The following PDE1A variants were observed in gnomAD, a reference collection of about 807,000 sequenced individuals.
PDE1A encodes dual specificity calcium/calmodulin-dependent 3',5'-cyclic nucleotide phosphodiesterase 1A.
A neutral mutation model predicts 61.7 loss-of-function variants in PDE1A; 35 were observed. The observed-to-expected ratio is 0.57, with a 90% CI of 0.43 to 0.75. The LOEUF (loss-of-function observed/expected upper bound fraction) is 0.75, where lower values mean the gene tolerates loss of function less well. PDE1A is among the 30% of genes least tolerant of loss of function. The pLI is 0.00. For synonymous variants in PDE1A, 232 were observed against 213.2 expected (o/e 1.09, Z -0.77); for missense variants, 597 against 630.6 (o/e 0.95, Z 0.57).
At chr2:182,299,758 A>C (rs957784296) in intron 1 of PDE1A, among the ~76,000 whole-genome samples, 1 of 152,146 alleles carries the variant, frequency 6.6e-6, no homozygotes, top group African/African-American at 2.4e-5. Context: ...GATCAGAAGC[A>C]GTTCAGATTC....
intron 2 of PDE1A, among the ~76,000 whole-genome samples, chr2:182,499,993 C>T (rs1037296545): frequency 2.0e-5 from 3 of 152,080 alleles, no homozygotes; most frequent in Admixed American, 6.5e-5. Context: ...AAAAACAATA[C>T]AATACCAATT....
intron 2 of PDE1A, among the ~76,000 whole-genome samples, chr2:182,499,761 A>T (rs948505663): frequency 6.6e-6 from 1 of 152,196 alleles, no homozygotes; most frequent in African/African-American, 2.4e-5. Flanking sequence ...ATATGAATTC[A>T]TTTTTACACA....
chr2:182,477,657 A>G (rs1438823440), intron 2 of PDE1A, among the ~76,000 whole-genome samples: 1 of 151,926 alleles, frequency 6.6e-6, no homozygotes, highest in Non-Finnish European at 1.5e-5. Context: ...ATTTTCACAT[A>G]TTTAATTTCA....
intron 1 of PDE1A, among the ~76,000 whole-genome samples, chr2:182,309,089 TAAG>T (rs1434874501): frequency 6.6e-6 from 1 of 151,852 alleles, no homozygotes; most frequent in Admixed American, 6.6e-5. Context: ...CAAATTAACC[TAAG>T]AAGAGCTTCA....
chr2:182,266,552 T>C (rs189341577), intron 1 of PDE1A, among the ~76,000 whole-genome samples: 29 of 152,306 alleles, frequency 1.9e-4, no homozygotes, highest in Admixed American at 1.6e-3. Flanking sequence ...AGGGTTGCCT[T>C]CCTTTTCCCT....
intron 7 of PDE1A, among the ~76,000 whole-genome samples, chr2:182,214,265 C>T (rs1278602451): frequency 2.6e-5 from 4 of 151,696 alleles, no homozygotes; most frequent in African/African-American, 4.9e-5. Flanking sequence ...CTGAAGGAAG[C>T]ACTAAACATG....
intron 1 of PDE1A, among the ~76,000 whole-genome samples, chr2:182,424,578 T>C (rs1703487240): frequency 6.6e-6 from 1 of 152,144 alleles, no homozygotes; most frequent in African/African-American, 2.4e-5. Context: ...GAAAACGAAG[T>C]GAGGCATGAG....
At chr2:182,200,395 A>G (rs12467526) in intron 10 of PDE1A, among the ~76,000 whole-genome samples, 111,934 of 152,002 alleles carry the variant, frequency 0.74, 41,415 homozygotes, top group East Asian at 0.91. Flanking sequence ...GTTCAATCGC[A>G]TGTCCAATGG....
chr2:182,201,614 C>A (rs1419623836), intron 9 of PDE1A, 55 bp from the exon 10 acceptor site: 37 of 1,432,456 alleles, frequency 2.6e-5, no homozygotes, highest in South Asian at 1.8e-4. Context: ...CAATTACAGT[C>A]TTTTCTGAGG....
At chr2:182,650,919 A>G in the PDE1A span, among the ~76,000 whole-genome samples, 1 of 152,236 alleles carries the variant, frequency 6.6e-6, no homozygotes, top group African/African-American at 2.4e-5. Context: ...CCTTCATGTT[A>G]CATTTAAAAA....
intron 1 of PDE1A, among the ~76,000 whole-genome samples, chr2:182,355,666 G>C (rs994900590): frequency 6.6e-6 from 1 of 151,878 alleles, no homozygotes; most frequent in African/African-American, 2.4e-5. Flanking sequence ...ATTTTCTAAA[G>C]CATTTTTTTC....
At chr2:182,363,356 G>A (rs968651809) in intron 1 of PDE1A, among the ~76,000 whole-genome samples, 1 of 151,846 alleles carries the variant, frequency 6.6e-6, no homozygotes. Context: ...TACTGGAGGA[G>A]AAAAGAGAGA....
Position 182,160,132 on chromosome 2 carries a change from T to A in PDE1A, c.1517-12980A>T, listed in dbSNP as rs1211766754. The stretch of plus-strand genomic sequence containing the variant: ...CAATTGTCCAAGATTACATAACTAG[T>A]AAGTAAGGAACCAGAATTGAAAAAG... On this transcript the variant is annotated intron_variant, in intron 13 of 13. Transcript: ENST00000409365. 3.3e-5 allele frequency among the ~76,000 whole-genome samples: 5 copies of A among 152,306 alleles called. No individual in the cohort carries two copies. In the East Asian group the frequency reaches 9.6e-4, roughly 29 times the overall value.
At chr2:182,518,591 CAGATAT>C (rs1690363293) in intron 2 of PDE1A, among the ~76,000 whole-genome samples, 1 of 152,134 alleles carries the variant, frequency 6.6e-6, no homozygotes, top group African/African-American at 2.4e-5. Context: ...AATTAGCGAT[CAGATAT>C]AAAGTTAGCT....
intron 1 of PDE1A, among the ~76,000 whole-genome samples, chr2:182,353,603 A>G (rs1256207590): frequency 6.6e-6 from 1 of 152,114 alleles, no homozygotes. Context: ...AGCATGCACA[A>G]ATACACATAT....
intron 10 of PDE1A, among the ~76,000 whole-genome samples, chr2:182,195,392 G>GGGAA (rs1170977702): frequency 6.6e-6 from 1 of 151,986 alleles, no homozygotes; most frequent in Non-Finnish European, 1.5e-5. Flanking sequence ...AGACAGGAAG[G>GGGAA]GGAAGACTCA....
chr2:182,440,862 A>AG (rs2125676017), intron 2 of PDE1A, among the ~76,000 whole-genome samples: 1 of 151,654 alleles, frequency 6.6e-6, no homozygotes, highest in Non-Finnish European at 1.5e-5. Context: ...TAATTACTGT[A>AG]GCTTTTAGTA....
At chr2:182,618,735 A>T in the PDE1A span, among the ~76,000 whole-genome samples, 1 of 152,224 alleles carries the variant, frequency 6.6e-6, no homozygotes. Context: ...TGAGTCAGTG[A>T]CAACAAGATT....
chr2:182,596,550 T>C, the PDE1A span, among the ~76,000 whole-genome samples: 2 of 152,242 alleles, frequency 1.3e-5, no homozygotes, highest in Non-Finnish European at 2.9e-5. Flanking sequence ...TAAATACTTT[T>C]ATATCTTTAA....
Sources: gnomAD v4.1 joint callset for allele counts (sites outside exome capture counted in the v4.1 genomes callset) on GRCh38, gnomAD v4.1.1 for gene constraint, MANE v1.5 for transcripts, NCBI Gene and HGNC (gene_info 2026-07-23, HGNC 2026-07-21) for gene names.